Variants in CAPN9 observed in about 807,000 individuals in gnomAD.
CAPN9 encodes the protein calpain-9.
A neutral mutation model predicts 92.8 loss-of-function variants in CAPN9; 81 were observed. The ratio of observed to expected loss-of-function variants is 0.87; its 90% confidence interval spans 0.73 to 1.05. The LOEUF is 1.05. Among genes scored for constraint, CAPN9 ranks in the 50% least tolerant of loss-of-function variants. The pLI, the probability that CAPN9 is intolerant of heterozygous loss-of-function variation, is 0.00. For missense variants in CAPN9, 848 were observed against 866.2 expected, an observed-to-expected ratio of 0.98 and a Z score of 0.26; for synonymous variants, 304 against 328.0, an observed-to-expected ratio of 0.93 and a Z score of 0.79.
At chr1:230,767,787 T>C (rs936214239) in intron 5 of CAPN9, 78 bp downstream of exon 5, 5 of 1,339,822 alleles carry the variant, frequency 3.7e-6, no homozygotes, top group African/African-American at 3.0e-5. Context: ...GCTGGGGCTG[T>C]ACCAGGTACC....
intron 7 of CAPN9, among the ~76,000 whole-genome samples, chr1:230,772,553 C>T (rs981883797): frequency 1.3e-5 from 2 of 152,080 alleles, no homozygotes; most frequent in South Asian, 2.1e-4. Flanking sequence ...TGGTCACTGA[C>T]CATGGCAGAG....
At chr1:230,782,896 A>T (rs1360860118) in intron 11 of CAPN9, among the ~76,000 whole-genome samples, 2 of 152,138 alleles carry the variant, frequency 1.3e-5, no homozygotes. Context: ...CGTGCCTGTA[A>T]TCCCAGCTAA....
At chr1:230,796,538 G>C (rs977409540) in intron 18 of CAPN9, among the ~76,000 whole-genome samples, 3 of 152,058 alleles carry the variant, frequency 2.0e-5, no homozygotes, top group Admixed American at 2.0e-4. Flanking sequence ...GACAATCAAT[G>C]AGTATGTGTT....
chr1:230,767,786 G>A, intron 5 of CAPN9, 77 bp downstream of exon 5: 1 of 1,345,388 alleles, frequency 7.4e-7, no homozygotes. Context: ...TGCTGGGGCT[G>A]TACCAGGTAC....
intron 2 of CAPN9, among the ~76,000 whole-genome samples, chr1:230,756,067 A>G (rs2478515): frequency 0.65 from 98,783 of 151,964 alleles, 32,345 homozygotes; most frequent in African/African-American, 0.69. Context: ...AAGACAGAGA[A>G]AGTGAGAGAG....
At chr1:230,769,585 A>G (rs1228713793) in intron 6 of CAPN9, among the ~76,000 whole-genome samples, 1 of 152,162 alleles carries the variant, frequency 6.6e-6, no homozygotes, top group Non-Finnish European at 1.5e-5. Context: ...AGGGAACCAA[A>G]TATATATACA....
intron 16 of CAPN9, 119 bp from the exon 17 acceptor site, chr1:230,792,731 C>T (rs1668087785): frequency 1.2e-6 from 1 of 866,028 alleles, no homozygotes; most frequent in African/African-American, 1.7e-5. Context: ...CCCAGTCCAA[C>T]TGTGGCCTCT....
intron 12 of CAPN9, among the ~76,000 whole-genome samples, chr1:230,787,276 T>C (rs1455312317): frequency 6.6e-6 from 1 of 152,166 alleles, no homozygotes; most frequent in Admixed American, 6.5e-5. Flanking sequence ...GTCAAGGTCC[T>C]TTGGCCTCCT....
rs142590080 is a variant in CAPN9, at chr1:230,780,583, G to A, written c.1356G>A (p.Leu452=). Residue 452 remains leucine (L), a synonymous_variant, in exon 11 of 20, where the codon CTG becomes CTA. Transcript: ENST00000271971. The stretch of plus-strand genomic sequence containing the variant: ...CCAGAAGCAAGACGTTCATCAACCT[G>A]AGAGAAGTCTCCGACCGGTTCAAGC... ...SRARSKTFIN[L]REVSDRFKLP... is the part of the protein sequence containing the mutation. 5.6e-6 allele frequency: 9 copies of A among 1,614,074 alleles called. No individual in the cohort carries two copies. The highest frequency in any genetic ancestry group is 1.6e-4 in the Middle Eastern group (1 of 6,084).
intron 4 of CAPN9, among the ~76,000 whole-genome samples, chr1:230,765,162 A>G (rs1665892931): frequency 6.6e-6 from 1 of 151,832 alleles, no homozygotes; most frequent in Non-Finnish European, 1.5e-5. Flanking sequence ...ATACATACAT[A>G]AAATGAACCT....
chr1:230,774,676 C>T (rs1305654606), intron 8 of CAPN9, 45 bp downstream of exon 8: 3 of 1,340,304 alleles, frequency 2.2e-6, no homozygotes, highest in Non-Finnish European at 3.2e-6. Context: ...GAGCAAGTCC[C>T]ATGGCCCTGG....
At chr1:230,762,938 G>A (rs957296852) in intron 4 of CAPN9, 152 bp downstream of exon 4, 2 of 758,850 alleles carry the variant, frequency 2.6e-6, no homozygotes, top group African/African-American at 1.8e-5. Flanking sequence ...CTCAAGCGGG[G>A]TTGGAGGTGG....
chr1:230,779,855 G>GA (rs1170950866), intron 9 of CAPN9, among the ~76,000 whole-genome samples: 3 of 151,730 alleles, frequency 2.0e-5, no homozygotes, highest in Non-Finnish European at 4.4e-5. Flanking sequence ...ATACTAAGTG[G>GA]AAAAAAAACT....
intron 8 of CAPN9, among the ~76,000 whole-genome samples, chr1:230,778,406 G>A (rs756191883): frequency 6.6e-6 from 1 of 152,210 alleles, no homozygotes; most frequent in Non-Finnish European, 1.5e-5. Context: ...CATGGAGCAT[G>A]TGACTCCTCT....
chr1:230,792,339 T>C, intron 15 of CAPN9, 87 bp from the exon 16 acceptor site: 13 of 1,120,884 alleles, frequency 1.2e-5, no homozygotes, highest in Non-Finnish European at 1.6e-5. Flanking sequence ...CCATCGGCCC[T>C]CCCCCTCTGC....
chr1:230,755,059 C>T (rs945149191), intron 1 of CAPN9, among the ~76,000 whole-genome samples: 3 of 152,114 alleles, frequency 2.0e-5, no homozygotes, highest in Non-Finnish European at 4.4e-5. Context: ...GCTTTGTGGC[C>T]GGGTGTGGCC....
At chr1:230,787,412 G>A in intron 12 of CAPN9, 110 bp from the exon 13 acceptor site, 1 of 825,524 alleles carries the variant, frequency 1.2e-6, no homozygotes, top group South Asian at 1.6e-5. Context: ...CACTGCCTCA[G>A]GAGGGTGACA....
chr1:230,767,096 C>T (rs1666032333), intron 4 of CAPN9, among the ~76,000 whole-genome samples: 1 of 152,128 alleles, frequency 6.6e-6, no homozygotes, highest in African/African-American at 2.4e-5. Context: ...AGGGAAAGGG[C>T]CTCTCTCTAT....
intron 4 of CAPN9, 119 bp downstream of exon 4, chr1:230,762,905 G>T (rs1052300058): frequency 9.2e-6 from 10 of 1,085,970 alleles, no homozygotes; most frequent in Non-Finnish European, 1.2e-5. Context: ...GGTGAGGCTC[G>T]GCAGGACCCA....
Sources: gnomAD v4.1 joint callset for allele counts (sites outside exome capture counted in the v4.1 genomes callset) on GRCh38, gnomAD v4.1.1 for gene constraint, MANE v1.5 for transcripts, NCBI Gene and HGNC (gene_info 2026-07-23, HGNC 2026-07-21) for gene names.